The following RAF1 variants were observed in gnomAD, a reference collection of about 807,000 sequenced individuals.
RAF1 encodes Raf-1 proto-oncogene, serine/threonine kinase.
RAF1 carries 27 observed loss-of-function variants against 81.1 expected under a neutral mutation model. That is an observed-to-expected ratio of 0.33 (90% CI 0.25 to 0.46). RAF1 has a LOEUF of 0.46. Ranked by LOEUF, RAF1 falls within the 20% of genes least tolerant of loss-of-function variation. The probability of loss-of-function intolerance (pLI) is 1.00; values close to 1 mark genes in which losing one functional copy is unlikely to be tolerated. For synonymous variants in RAF1, 298 were observed against 294.0 expected, an observed-to-expected ratio of 1.01 and a Z score of -0.14; for missense variants, 598 against 826.0, an observed-to-expected ratio of 0.72 and a Z score of 3.38.
At chr3:12,597,516 CCTA>C (rs1215051297) in intron 11 of RAF1, among the ~76,000 whole-genome samples, 1 of 152,198 alleles carries the variant, frequency 6.6e-6, no homozygotes, top group Non-Finnish European at 1.5e-5. Context: ...TGCTCTGCCT[CCTA>C]CAACTACTAG....
chr3:12,649,913 G>A (rs5746168), intron 1 of RAF1, among the ~76,000 whole-genome samples: 8,266 of 152,060 alleles, frequency 0.054, 320 homozygotes, highest in Non-Finnish European at 0.083. Context: ...TTGGGAGGCC[G>A]AGGCAGGCAG....
intron 15 of RAF1, chr3:12,585,454 A>G: frequency 2.0e-6 from 2 of 984,870 alleles, no homozygotes; most frequent in Non-Finnish European, 2.4e-6. Flanking sequence ...ACCAAGACCC[A>G]GCATTTCTGT....
At chr3:12,652,938 C>G (rs1311747029) in intron 1 of RAF1, among the ~76,000 whole-genome samples, 1 of 99,630 alleles carries the variant, frequency 1.0e-5, no homozygotes, top group African/African-American at 3.8e-5. Flanking sequence ...GAGACTCCAT[C>G]TCAAAAAAAA....
chr3:12,639,216 G>GT (rs2060114836), intron 1 of RAF1, among the ~76,000 whole-genome samples: 1 of 152,064 alleles, frequency 6.6e-6, no homozygotes, highest in Admixed American at 6.5e-5. Context: ...TTGATGGGAC[G>GT]TATCTCAAAA....
intron 1 of RAF1, among the ~76,000 whole-genome samples, chr3:12,639,650 G>A (rs2060126842): frequency 1.3e-5 from 2 of 152,078 alleles, no homozygotes; most frequent in Non-Finnish European, 2.9e-5. Context: ...AAATACCTAG[G>A]AATCCGACTT....
At chr3:12,625,674 A>C (rs1013525391) in intron 1 of RAF1, among the ~76,000 whole-genome samples, 3 of 150,312 alleles carry the variant, frequency 2.0e-5, no homozygotes, top group African/African-American at 7.4e-5. Flanking sequence ...CCCCCAGTAC[A>C]TTAGCTGAAG....
chr3:12,655,123 A>T (rs949647716), intron 1 of RAF1, among the ~76,000 whole-genome samples: 1 of 152,016 alleles, frequency 6.6e-6, no homozygotes, highest in Non-Finnish European at 1.5e-5. Flanking sequence ...ACGAAGTCTC[A>T]CTCTTGTGGA....
chr3:12,590,733 C>G, intron 13 of RAF1, 65 bp downstream of exon 12: 1 of 1,518,188 alleles, frequency 6.6e-7, no homozygotes. Flanking sequence ...TTTCCTGATC[C>G]TGGTTCCAAT....
intron 1 of RAF1, among the ~76,000 whole-genome samples, chr3:12,655,776 C>G (rs2060671521): frequency 6.6e-6 from 1 of 152,050 alleles, no homozygotes; most frequent in Non-Finnish European, 1.5e-5. Context: ...GCCACCACCA[C>G]ATGGATAAAC....
At chr3:12,591,640 A>C in intron 12 of RAF1, 68 bp downstream of exon 11, 8 of 1,395,652 alleles carry the variant, frequency 5.7e-6, no homozygotes, top group East Asian at 2.3e-5. Flanking sequence ...ACAGTCCACT[A>C]ACTCTACAGT....
intron 2 of RAF1, among the ~76,000 whole-genome samples, chr3:12,616,364 T>C (rs1459023406): frequency 1.3e-5 from 2 of 152,180 alleles, no homozygotes; most frequent in African/African-American, 2.4e-5. Flanking sequence ...CAGCTTCTCA[T>C]AACACACACT....
intron 11 of RAF1, among the ~76,000 whole-genome samples, chr3:12,597,338 G>A (rs529658280): frequency 6.6e-5 from 10 of 152,186 alleles, no homozygotes. Flanking sequence ...GCAGTACCAC[G>A]TACCAATGCC....
intron 1 of RAF1, among the ~76,000 whole-genome samples, chr3:12,642,525 T>A (rs1448980808): frequency 1.3e-5 from 2 of 148,750 alleles, no homozygotes; most frequent in Non-Finnish European, 3.0e-5. Flanking sequence ...AAAAAAAAAA[T>A]TAATTAATTA....
At chr3:12,609,474 C>T in intron 3 of RAF1, 139 bp from the exon 4 acceptor site, 1 of 663,008 alleles carries the variant, frequency 1.5e-6, no homozygotes, top group Non-Finnish European at 2.7e-6. Context: ...TTAATTCATA[C>T]AACAAACCTA....
In RAF1 at chr3:12,632,623, T is replaced by A. The variant is rs566910095; in HGVS notation, c.-26-13876A>T. Among the ~76,000 whole-genome samples, 8 of 152,340 alleles carry A rather than the reference T, an allele frequency of 5.3e-5. No homozygotes were observed. The South Asian group carries it at 1.4e-3, about 28-fold the overall frequency. ...AACTTAAAAGAAAGAGACTATTTTC[T>A]ATTTTTTATACCCCTTTGACAAAAA... On this transcript the variant is annotated intron_variant, in intron 1 of 17. Coordinates refer to ENST00000442415, the MANE Select transcript of RAF1 (RefSeq NM_001354689.3).
At chr3:12,603,606 T>C in intron 7 of RAF1, 2 of 644,412 alleles carry the variant, frequency 3.1e-6, no homozygotes, top group Non-Finnish European at 5.6e-6. Flanking sequence ...ATTCAGTTGT[T>C]ATTAAAGATG....
chr3:12,621,972 C>T (rs1039898451), intron 1 of RAF1, among the ~76,000 whole-genome samples: 3 of 152,128 alleles, frequency 2.0e-5, no homozygotes, highest in Non-Finnish European at 2.9e-5. Context: ...ACATTACTTA[C>T]TTTTTGTTTT....
chr3:12,608,995 C>G, intron 4 of RAF1, 72 bp from the exon 5 acceptor site: 1 of 1,570,402 alleles, frequency 6.4e-7, no homozygotes, highest in Non-Finnish European at 8.7e-7. Flanking sequence ...CATTTCTTGG[C>G]CTCCAAAAAA....
intron 8 of RAF1, among the ~76,000 whole-genome samples, chr3:12,601,551 T>A (rs2058862426): frequency 6.6e-6 from 1 of 152,150 alleles, no homozygotes; most frequent in Non-Finnish European, 1.5e-5. Flanking sequence ...AAAGGACATT[T>A]TTTGGGGGGA....
Sources: gnomAD v4.1 joint callset for allele counts (sites outside exome capture counted in the v4.1 genomes callset) on GRCh38, gnomAD v4.1.1 for gene constraint, MANE v1.5 for transcripts, NCBI Gene and HGNC (gene_info 2026-07-23, HGNC 2026-07-21) for gene names.